Variants in KNL1 observed in about 807,000 individuals in gnomAD.
KNL1 encodes outer kinetochore KNL1 complex subunit KNL1.
In KNL1, 66 loss-of-function variants were observed where a neutral mutation model predicts 201.3. That is an observed-to-expected ratio of 0.33 (90% confidence interval 0.27 to 0.40). The LOEUF (loss-of-function observed/expected upper bound fraction) is 0.40, where lower values mean the gene tolerates loss of function less well. Ranked by LOEUF, KNL1 falls within the 10% of genes least tolerant of loss-of-function variation. KNL1 has a pLI of 1.00. For missense variants in KNL1, 2,815 were observed against 2,690.5 expected (o/e 1.05, Z -1.02); for synonymous variants, 895 against 899.2 (o/e 1.00, Z 0.08).
At position 40,644,990 on chromosome 15, in the gene KNL1, A is replaced by G. The variant is rs370757758; in HGVS notation, c.5799-7A>G. On this transcript the variant is annotated splice_polypyrimidine_tract_variant and splice_region_variant and intron_variant, in intron 14 of 25. Transcript: ENST00000399668. Reference sequence around the variant, plus strand: ...CTACAGTGCTAATTAACTTTTCCGTATTTTAGATTAAAGCTTTCTGCATCG... The same window carrying G: ...CTACAGTGCTAATTAACTTTTCCGTGTTTTAGATTAAAGCTTTCTGCATCG... 2.1e-5 allele frequency: 33 copies of G among 1,598,934 alleles called. No individual in the cohort carries two copies. In the African/African-American group the frequency reaches 2.9e-4, roughly 14 times the overall value.
rs908197895 is a variant in KNL1 at position 40,628,548 on chromosome 15, A to G, written c.5516-63A>G. The G allele has an allele frequency of 6.3e-6, 7 of 1,107,012 alleles. No individual in the cohort carries two copies. In the East Asian group the frequency reaches 9.6e-5, roughly 15 times the overall value. 68.6% of individuals were successfully genotyped at this position (1,107,012 alleles called of 1,614,324 possible). ...AGGATCAGAAACAATCTGAATGATA[A>G]CCACAATTAAGTTCACAGTTTAGTT... On this transcript the variant is annotated intron_variant, in intron 11 of 25. Transcript: ENST00000399668.
chr15:40,597,077 T>C (rs931335495), intron 1 of KNL1, among the ~76,000 whole-genome samples: 5 of 151,984 alleles, frequency 3.3e-5, no homozygotes, highest in African/African-American at 1.2e-4. Context: ...AGTGATGTTA[T>C]TAAAACTAAT....
intron 14 of KNL1, among the ~76,000 whole-genome samples, chr15:40,641,269 G>C (rs892289036): frequency 6.6e-6 from 1 of 152,158 alleles, no homozygotes; most frequent in Non-Finnish European, 1.5e-5. Context: ...TCCTTAAAGT[G>C]AGGATAATAA....
At chr15:40,628,753 A>G in intron 12 of KNL1, 75 bp downstream of exon 12, 1 of 956,240 alleles carries the variant, frequency 1.0e-6, no homozygotes, top group Non-Finnish European at 1.6e-6. Context: ...AATACACGTA[A>G]TATTCTTGGT....
rs1183644589 is a variant in KNL1 at position 40,624,594 on chromosome 15, C to A, written c.4330C>A (p.His1444Asn). ...VDDIYVIPQP[H>N]FSTDQPPLPK... is the part of the protein sequence containing the mutation. ...TGACATTTATGTTATTCCTCAGCCT[C>A]ATTTCTCAACCGACCAACCTCCATT... The change falls in exon 10 of 26, where the codon CAT becomes AAT. Residue 1444 changes from histidine (H) to asparagine (N), a missense_variant. His to Asn is a moderately conservative substitution (Grantham distance 68). Around this residue, in one of 3 missense-constraint regions of KNL1, gnomAD observed 2,464 missense variants for 2,291.7 expected, o/e 1.08. Coordinates refer to ENST00000399668, the MANE Select transcript of KNL1 (RefSeq NM_144508.5). 4 of 1,613,822 alleles carry A rather than the reference C, an allele frequency of 2.5e-6. No homozygotes were observed. The highest frequency in any genetic ancestry group is 3.4e-6 in the Non-Finnish European group (4 of 1,179,888).
intron 22 of KNL1, 75 bp downstream of exon 22, chr15:40,655,052 C>G: frequency 1.7e-6 from 2 of 1,145,270 alleles, no homozygotes; most frequent in Non-Finnish European, 1.3e-6. Context: ...AATCCCAGCA[C>G]TTTGGGAGGC....
intron 13 of KNL1, among the ~76,000 whole-genome samples, chr15:40,632,853 CTATT>C (rs1418607197): frequency 6.6e-6 from 1 of 151,850 alleles, no homozygotes; most frequent in African/African-American, 2.4e-5. Context: ...GACCCCATCT[CTATT>C]TAAATAAATA....
chr15:40,603,595 C>T (rs141153051), intron 2 of KNL1, among the ~76,000 whole-genome samples: 1 of 152,306 alleles, frequency 6.6e-6, no homozygotes, highest in East Asian at 1.9e-4. Flanking sequence ...CCCCGCCCCC[C>T]CATCTCTACA....
At chr15:40,607,890 A>G (rs1003706122) in intron 4 of KNL1, among the ~76,000 whole-genome samples, 1 of 152,152 alleles carries the variant, frequency 6.6e-6, no homozygotes, top group African/African-American at 2.4e-5. Flanking sequence ...CAGTATGGCA[A>G]TTCCTCAAAA....
chr15:40,651,425 C>G (rs762271803), intron 19 of KNL1, 46 bp from the exon 20 acceptor site: 2 of 1,321,216 alleles, frequency 1.5e-6, no homozygotes, highest in South Asian at 1.4e-5. Flanking sequence ...AGAGTGAATT[C>G]TCTAACAAAA....
intron 5 of KNL1, among the ~76,000 whole-genome samples, chr15:40,609,154 TC>T (rs939749876): frequency 2.0e-5 from 3 of 148,800 alleles, no homozygotes; most frequent in African/African-American, 7.5e-5. Flanking sequence ...ACGCCTGTAA[TC>T]CCAGCACTTT....
chr15:40,610,395 T>C, intron 6 of KNL1, 98 bp downstream of exon 6: 1 of 706,358 alleles, frequency 1.4e-6, no homozygotes, highest in Non-Finnish European at 2.5e-6. Context: ...GTCTATCTTA[T>C]TGCTTAAAAA....
Position 40,628,123 on chromosome 15 carries a change from G to A in KNL1, c.5430G>A (p.Leu1810=). Residue 1810 remains leucine, a synonymous_variant, in exon 11 of 26, where the codon TTG becomes TTA. Coordinates refer to ENST00000399668, the MANE Select transcript of KNL1 (RefSeq NM_144508.5). ...EDIDKSANSV[L]IKNLSRTPSS... is the part of the protein sequence containing the mutation. The stretch of plus-strand genomic sequence containing the variant: ...TAGATAAAAGTGCTAACAGTGTATT[G>A]ATAAAAAACCTGAGCAGGACCCCAT... The A allele has an allele frequency of 6.2e-7, 1 of 1,612,572 alleles. No individual in the cohort carries two copies.
chr15:40,626,327 C>CTTT (rs540280443), intron 10 of KNL1, among the ~76,000 whole-genome samples: 1,693 of 135,300 alleles, frequency 0.013, 33 homozygotes, highest in African/African-American at 0.043. Context: ...TAATTTCTTT[C>CTTT]TTTTTTTTTT....
intron 14 of KNL1, among the ~76,000 whole-genome samples, chr15:40,641,790 A>G (rs1463897159): frequency 6.6e-6 from 1 of 152,206 alleles, no homozygotes; most frequent in Non-Finnish European, 1.5e-5. Context: ...TAGTGCCTGA[A>G]ATCAGATTGC....
In KNL1 at chr15:40,646,909, A is replaced by G. The variant is rs1893405947; in HGVS notation, c.6007-78A>G. On this transcript the variant is annotated intron_variant, in intron 16 of 25. Coordinates refer to ENST00000399668, the MANE Select transcript of KNL1 (RefSeq NM_144508.5). Reference sequence around the variant, plus strand: ...GCCTGTTTGTGATCATGATAGAGCGATTATGTGAGCAGTTTGAACCATTTA... The same window carrying G: ...GCCTGTTTGTGATCATGATAGAGCGGTTATGTGAGCAGTTTGAACCATTTA... 9.4e-6 allele frequency: 6 copies of G among 638,630 alleles called. No individual in the cohort carries two copies. In the East Asian group the frequency reaches 1.8e-4, roughly 19 times the overall value. 39.6% of individuals were successfully genotyped at this position (638,630 alleles called of 1,614,324 possible). A position where few individuals can be genotyped will look rare whatever the true frequency, so the allele number is the denominator to read the frequency against.
At chr15:40,600,266 G>A (rs762938696) in intron 1 of KNL1, among the ~76,000 whole-genome samples, 9 of 152,128 alleles carry the variant, frequency 5.9e-5, no homozygotes, top group South Asian at 2.1e-4. Flanking sequence ...GTAGAGACGG[G>A]GTTTCACCAT....
At position 40,622,502 on chromosome 15, in the gene KNL1, C is replaced by T; in HGVS notation, c.2238C>T (p.Asp746=). 1 of 1,614,014 alleles carries T rather than the reference C, an allele frequency of 6.2e-7. No homozygotes were observed. The highest frequency in any genetic ancestry group is 8.5e-7 in the Non-Finnish European group (1 of 1,179,924). ...AAAGTTTAAGCAATCCCACACCTGA[C>T]TATTGCCATGACAAGATGATTATAT... ...LRKSLSNPTP[D]YCHDKMIICS... Residue 746 remains aspartate, a synonymous_variant, in exon 10 of 26, where the codon GAC becomes GAT. Coordinates refer to ENST00000399668, the MANE Select transcript of KNL1 (RefSeq NM_144508.5).
chr15:40,659,929 T>TGTGTGTGTGTGA, intron 25 of KNL1, among the ~76,000 whole-genome samples: 1 of 150,720 alleles, frequency 6.6e-6, no homozygotes, highest in Non-Finnish European at 1.5e-5. Context: ...TGTGTGTGTT[T>TGTGTGTGTGTGA]GAGATGGAGT....
Sources: allele counts gnomAD v4.1 joint callset (sites outside exome capture counted in the v4.1 genomes callset), GRCh38; gene constraint gnomAD v4.1.1; regional missense constraint gnomAD v4.1.1; transcripts MANE v1.5; gene names NCBI Gene and HGNC (gene_info 2026-07-23, HGNC 2026-07-21).